The following GMDS variants were observed in gnomAD, a reference collection of about 807,000 sequenced individuals.
GMDS encodes the protein GDP-mannose 4,6-dehydratase.
Under a neutral mutation model 49.9 loss-of-function variants are expected in GMDS, and 20 were observed. The observed-to-expected ratio is 0.40, with a 90% CI of 0.28 to 0.58. The LOEUF (loss-of-function observed/expected upper bound fraction) is 0.58. GMDS is among the 20% of genes least tolerant of loss of function. The probability of loss-of-function intolerance (pLI) is 0.42; values close to 1 mark genes in which losing one functional copy is unlikely to be tolerated. For synonymous variants in GMDS, 177 were observed against 178.6 expected (o/e 0.99, Z 0.07); for missense variants, 362 against 481.4 (o/e 0.75, Z 2.32).
At chr6:1,946,530 A>T (rs1274158368) in intron 6 of GMDS, among the ~76,000 whole-genome samples, 25 of 152,196 alleles carry the variant, frequency 1.6e-4, no homozygotes, top group Admixed American at 1.6e-3. Flanking sequence ...TAACATCACT[A>T]ACAGTCCCGT....
chr6:1,718,265 C>A (rs1253863593), intron 9 of GMDS, among the ~76,000 whole-genome samples: 4 of 152,170 alleles, frequency 2.6e-5, no homozygotes, highest in African/African-American at 9.7e-5. Flanking sequence ...CCAGCTCCAA[C>A]TGCCTCCCTC....
At chr6:2,230,625 T>C (rs1034016095) in intron 1 of GMDS, among the ~76,000 whole-genome samples, 1 of 152,016 alleles carries the variant, frequency 6.6e-6, no homozygotes, top group Non-Finnish European at 1.5e-5. Context: ...AAAAGACAAC[T>C]CAATGGAAAG....
chr6:2,112,149 G>A (rs1774583457), intron 4 of GMDS, among the ~76,000 whole-genome samples: 1 of 152,218 alleles, frequency 6.6e-6, no homozygotes, highest in Non-Finnish European at 1.5e-5. Flanking sequence ...CTAAGTACTT[G>A]AGAAGTATTT....
intron 7 of GMDS, among the ~76,000 whole-genome samples, chr6:1,799,618 A>G (rs1222209811): frequency 6.6e-6 from 1 of 152,172 alleles, no homozygotes; most frequent in African/African-American, 2.4e-5. Flanking sequence ...GAAAGAAGGA[A>G]GGCAAAGCAA....
At chr6:1,970,705 T>C (rs1581440450) in intron 4 of GMDS, among the ~76,000 whole-genome samples, 1 of 151,316 alleles carries the variant, frequency 6.6e-6, no homozygotes, top group African/African-American at 2.4e-5. Flanking sequence ...AAGTGTGGGG[T>C]GGGAGGATAG....
chr6:2,133,627 A>G (rs1197491529), intron 1 of GMDS, among the ~76,000 whole-genome samples: 2 of 152,228 alleles, frequency 1.3e-5, no homozygotes, highest in Non-Finnish European at 2.9e-5. Flanking sequence ...GCCACTATAG[A>G]GTTCCAGACA....
chr6:2,217,438 A>G (rs1208897818), intron 1 of GMDS, among the ~76,000 whole-genome samples: 1 of 152,220 alleles, frequency 6.6e-6, no homozygotes, highest in Non-Finnish European at 1.5e-5. Context: ...TTCAATATTA[A>G]GTGAAGGTTT....
chr6:1,638,129 A>T (rs1182093745), intron 9 of GMDS, among the ~76,000 whole-genome samples: 1 of 152,186 alleles, frequency 6.6e-6, no homozygotes, highest in African/African-American at 2.4e-5. Context: ...TCTGCGCTAC[A>T]GGGGTCCAGA....
At chr6:2,219,637 T>C (rs1038566020) in intron 1 of GMDS, among the ~76,000 whole-genome samples, 12 of 152,210 alleles carry the variant, frequency 7.9e-5, no homozygotes, top group African/African-American at 2.9e-4. Flanking sequence ...TACTCTCATT[T>C]TCTGTACTTA....
chr6:1,630,307 GA>G (rs1454757323), intron 9 of GMDS, among the ~76,000 whole-genome samples: 2 of 152,214 alleles, frequency 1.3e-5, no homozygotes, highest in African/African-American at 4.8e-5. Context: ...TCCATGGGAC[GA>G]ACCGCATGTG....
At chr6:2,036,914 T>G (rs1349135274) in intron 4 of GMDS, among the ~76,000 whole-genome samples, 1 of 152,132 alleles carries the variant, frequency 6.6e-6, no homozygotes, top group Non-Finnish European at 1.5e-5. Flanking sequence ...GTAAGTAAGG[T>G]TTTAAATAAG....
intron 4 of GMDS, among the ~76,000 whole-genome samples, chr6:2,025,816 TCTTAATC>T (rs1247513178): frequency 6.6e-6 from 1 of 152,148 alleles, no homozygotes; most frequent in East Asian, 1.9e-4. Flanking sequence ...GCAAGTTCTT[TCTTAATC>T]CTAAAAAACC....
chr6:2,025,006 A>G (rs1768497340), intron 4 of GMDS, among the ~76,000 whole-genome samples: 1 of 152,078 alleles, frequency 6.6e-6, no homozygotes, highest in Non-Finnish European at 1.5e-5. Context: ...ATATACTAGT[A>G]AAAGTATCCA....
intron 4 of GMDS, among the ~76,000 whole-genome samples, chr6:1,974,104 C>T (rs776079998): frequency 8.6e-5 from 13 of 151,768 alleles, no homozygotes; most frequent in Non-Finnish European, 1.6e-4. Flanking sequence ...CTTGACCTCT[C>T]TCCTCCAAAA....
Position 1,734,109 on chromosome 6 carries a change from C to T in GMDS, c.891-7597G>A, listed in dbSNP as rs141945441. On this transcript the variant is annotated intron_variant, in intron 8 of 10. Transcript: ENST00000380815. ...ACGGTGAACCCTGGATCTATGAGAA[C>T]CTTAGCTGTGTATGGCCTCTTGCAT... 3.2e-3 allele frequency among the ~76,000 whole-genome samples: 480 copies of T among 152,276 alleles called. 2 individuals are homozygous for T. Among genetic ancestry groups the T allele is most frequent in the Non-Finnish European group, 5.4e-3 (368 of 68,012 alleles).
At chr6:1,703,056 C>T (rs9378305) in intron 9 of GMDS, among the ~76,000 whole-genome samples, 13,973 of 152,142 alleles carry the variant, frequency 0.092, 1,124 homozygotes, top group East Asian at 0.39. Flanking sequence ...GCAGTAGCAC[C>T]TTTTGGGGGA....
At chr6:2,096,900 C>G (rs1773634618) in intron 4 of GMDS, among the ~76,000 whole-genome samples, 1 of 151,906 alleles carries the variant, frequency 6.6e-6, no homozygotes, top group Non-Finnish European at 1.5e-5. Context: ...CATCTAGAGA[C>G]TAATTAAGTT....
chr6:2,079,276 GATT>G (rs1772533152), intron 4 of GMDS, among the ~76,000 whole-genome samples: 2 of 151,734 alleles, frequency 1.3e-5, no homozygotes, highest in South Asian at 4.2e-4. Context: ...CCACATTCAA[GATT>G]ATTATTAACA....
At chr6:1,755,598 G>T (rs919264509) in intron 7 of GMDS, among the ~76,000 whole-genome samples, 1 of 152,118 alleles carries the variant, frequency 6.6e-6, no homozygotes, top group East Asian at 1.9e-4. Flanking sequence ...CAAAGCTGGA[G>T]GCATCACACT....
Sources: allele counts gnomAD v4.1 joint callset (sites outside exome capture counted in the v4.1 genomes callset), GRCh38; gene constraint gnomAD v4.1.1; transcripts MANE v1.5; gene names NCBI Gene and HGNC (gene_info 2026-07-23, HGNC 2026-07-21).